LIN28A: variants seen among roughly 807,000 people sequenced by gnomAD.
The protein encoded by LIN28A is protein lin-28 homolog A.
In LIN28A, 11 loss-of-function variants were observed where a neutral mutation model predicts 21.1. The ratio of observed to expected loss-of-function variants is 0.52; its 90% CI spans 0.33 to 0.86. The LOEUF (loss-of-function observed/expected upper bound fraction) is 0.86, where lower values mean the gene tolerates loss of function less well. Ranked by LOEUF, LIN28A falls within the 40% of genes least tolerant of loss-of-function variation. The pLI, the probability that LIN28A is intolerant of heterozygous loss-of-function variation, is 0.03. For missense variants in LIN28A, 219 were observed against 279.8 expected (o/e 0.78, Z 1.55); for synonymous variants, 111 against 108.7 (o/e 1.02, Z -0.13).
In LIN28A at chr1:26,411,396, C is replaced by T. The variant is rs1379438257; in HGVS notation, c.42C>T (p.Ala14=). 5 of 1,595,934 alleles carry T rather than the reference C, an allele frequency of 3.1e-6. No homozygotes were observed. The highest frequency in any genetic ancestry group is 4.3e-6 in the Non-Finnish European group (5 of 1,172,660). ...CCTCCCTCTCTCCAGGTGGCTGCGC[C>T]AAGGCGGCAGAAGAGGCGCCCGAGG... The part of the protein sequence containing the change: ...VSNQQFAGGC[A]KAAEEAPEEA... The change falls in exon 2 of 4, where the codon GCC becomes GCT. Residue 14 remains alanine, a synonymous_variant. Coordinates refer to ENST00000326279, the MANE Select transcript of LIN28A (RefSeq NM_024674.6). This position sits in a 1 kb window ranked among gnomAD's most constrained non-coding sequence, Gnocchi z 5.4.
In LIN28A at chr1:26,425,502, G is replaced by A. The variant is rs187064721; in HGVS notation, c.413+15G>A. 66 of 1,612,434 alleles carry A rather than the reference G, an allele frequency of 4.1e-5. No individual in the cohort carries two copies. The East Asian group carries it at 1.4e-3, about 33-fold the overall frequency. Reference sequence around the variant, plus strand: ...AAAGGAGACAGGTATGGATTGGAAGGCAGCTTATATAGGTTGCTAAGGGCA... The same window carrying A: ...AAAGGAGACAGGTATGGATTGGAAGACAGCTTATATAGGTTGCTAAGGGCA... On this transcript the variant is annotated intron_variant, in intron 3 of 3. Coordinates refer to ENST00000326279, the MANE Select transcript of LIN28A (RefSeq NM_024674.6).
intron 2 of LIN28A, among the ~76,000 whole-genome samples, chr1:26,419,708 A>G (rs4274112): frequency 0.36 from 54,030 of 151,946 alleles, 10,023 homozygotes; most frequent in Admixed American, 0.43. Flanking sequence ...TATTTACTCC[A>G]TTTTATAGAT....
chr1:26,418,006 T>G (rs371379737), intron 2 of LIN28A, among the ~76,000 whole-genome samples: 8 of 151,948 alleles, frequency 5.3e-5, no homozygotes, highest in East Asian at 1.9e-4. Flanking sequence ...TTGTGTTGTT[T>G]TTTTTTTTTC....
rs1220197190 is a variant in LIN28A at position 26,410,867 on chromosome 1, G to C, written c.-25G>C. On this transcript the variant is annotated 5_prime_UTR_variant, in exon 1 of 4. Coordinates refer to ENST00000326279, the MANE Select transcript of LIN28A (RefSeq NM_024674.6). Reference sequence around the variant, plus strand: ...CCAGCAGCCGCCCGACCAGGGGCCCGGGGCCACGGGCTCAGCCGACGACCA... The same window carrying C: ...CCAGCAGCCGCCCGACCAGGGGCCCCGGGCCACGGGCTCAGCCGACGACCA... 6.2e-7 allele frequency: 1 copy of C among 1,611,892 alleles called. No homozygotes were observed. Among genetic ancestry groups the C allele is most frequent in the Non-Finnish European group, 8.5e-7 (1 of 1,179,132 alleles).
chr1:26,413,603 G>T (rs1053823007), intron 2 of LIN28A, among the ~76,000 whole-genome samples: 4 of 152,084 alleles, frequency 2.6e-5, no homozygotes, highest in African/African-American at 9.7e-5. Flanking sequence ...AGCTGGAAGA[G>T]AATTAAGAAT....
intron 2 of LIN28A, among the ~76,000 whole-genome samples, chr1:26,412,779 T>C (rs776942127): frequency 2.0e-5 from 3 of 151,696 alleles, no homozygotes; most frequent in Admixed American, 1.3e-4. Flanking sequence ...GATGGACTAG[T>C]TGGAGGCAGC....
rs755305206 is a variant in LIN28A, at chr1:26,413,825, C to CTTTT, written c.228+2259_228+2262dup. On this transcript the variant is annotated intron_variant, in intron 2 of 3. Transcript: ENST00000326279. ...TGTTTGTTTGTTTGTTTGTTTGTTG[C>CTTTT]TTTTTTTTTTTTTTTTTTTGAGATG... Among the ~76,000 whole-genome samples the CTTTT allele has an allele frequency of 4.2e-4, 42 of 100,358 alleles. 1 individual carries two copies. The highest frequency in any genetic ancestry group is 1.2e-3 in the African/African-American group (28 of 24,316). The allele number at this position is 100,358 out of a possible 152,430, so 65.8% of individuals were successfully genotyped here.
rs574145136 is a variant in LIN28A at position 26,427,139 on chromosome 1, T to C, written c.*681T>C. On this transcript the variant is annotated 3_prime_UTR_variant, in exon 4 of 4. Transcript: ENST00000326279. ...GCCAACTGCACTAGCTGTGTGCGAA[T>C]GACGTATCTTGTGCATTTTAACTTT... 6.5e-6 allele frequency: 1 copy of C among 152,930 alleles called. No homozygotes were observed. Among genetic ancestry groups the C allele is most frequent in the South Asian group, 2.1e-4 (1 of 4,832 alleles). 9.5% of individuals were successfully genotyped at this position (152,930 alleles called of 1,614,324 possible).
At chr1:26,417,569 T>A (rs967427384) in intron 2 of LIN28A, among the ~76,000 whole-genome samples, 1 of 152,218 alleles carries the variant, frequency 6.6e-6, no homozygotes, top group Non-Finnish European at 1.5e-5. Flanking sequence ...TTAGGCCAGC[T>A]GCACTCAGCT....
At chr1:26,417,248 C>T (rs954580603) in intron 2 of LIN28A, among the ~76,000 whole-genome samples, 4 of 152,226 alleles carry the variant, frequency 2.6e-5, no homozygotes, top group African/African-American at 9.6e-5. Context: ...GCTACAGGGC[C>T]TGGCTGTGGC....
chr1:26,428,226 A>C lies in LIN28A; in HGVS notation c.*1768A>C, dbSNP rs1333557559. 2 of 152,700 alleles carry C rather than the reference A, an allele frequency of 1.3e-5. No individual in the cohort carries two copies. Among genetic ancestry groups the C allele is most frequent in the Non-Finnish European group, 2.9e-5 (2 of 68,056 alleles). 9.5% of individuals were successfully genotyped at this position (152,700 alleles called of 1,614,324 possible). Reference sequence around the variant, plus strand: ...AAGCATCTTTGACAGAAGGTTCTGCACCAGGCAAAAAGATCTGAAACATTA... The same window carrying C: ...AAGCATCTTTGACAGAAGGTTCTGCCCCAGGCAAAAAGATCTGAAACATTA... On this transcript the variant is annotated 3_prime_UTR_variant, in exon 4 of 4. Coordinates refer to ENST00000326279, the MANE Select transcript of LIN28A (RefSeq NM_024674.6).
chr1:26,422,375 T>C (rs1297340129), intron 2 of LIN28A, among the ~76,000 whole-genome samples: 1 of 152,084 alleles, frequency 6.6e-6, no homozygotes, highest in Non-Finnish European at 1.5e-5. Context: ...CACTGGTACA[T>C]TTATCTATAT....
chr1:26,417,420 ATG>A lies in LIN28A; in HGVS notation c.228+5839_228+5840del, dbSNP rs2075000400. On this transcript the variant is annotated intron_variant, in intron 2 of 3. Transcript: ENST00000326279. Reference sequence around the variant, plus strand: ...CCCTTACCAAATCTTACCTCCAGGAATGAAGCTAAGTTAGGGATGTGACACCA... The same window carrying A: ...CCCTTACCAAATCTTACCTCCAGGAAAAGCTAAGTTAGGGATGTGACACCA... Among the ~76,000 whole-genome samples, 13 of 152,322 alleles carry A rather than the reference ATG, an allele frequency of 8.5e-5. No homozygotes were observed. The South Asian group carries it at 2.5e-3, about 29-fold the overall frequency.
At chr1:26,422,794 A>G (rs921972781) in intron 2 of LIN28A, among the ~76,000 whole-genome samples, 8 of 152,160 alleles carry the variant, frequency 5.3e-5, no homozygotes, top group African/African-American at 1.2e-4. Flanking sequence ...TTGGCAATTT[A>G]TATTTTCCCA....
rs554194362 is a variant in LIN28A, at chr1:26,410,841, G to A, written c.-51G>A. 24 of 1,602,638 alleles carry A rather than the reference G, an allele frequency of 1.5e-5. No individual in the cohort carries two copies. In the South Asian group the frequency reaches 1.9e-4, roughly 13 times the overall value. ...CCCTTTGCCTTCGGACTTCTCCGGG[G>A]CCAGCAGCCGCCCGACCAGGGGCCC... On this transcript the variant is annotated 5_prime_UTR_variant, in exon 1 of 4. Transcript: ENST00000326279.
chr1:26,426,573 G>A lies in LIN28A; in HGVS notation c.*115G>A. On this transcript the variant is annotated 3_prime_UTR_variant, in exon 4 of 4. Coordinates refer to ENST00000326279, the MANE Select transcript of LIN28A (RefSeq NM_024674.6). Reference sequence around the variant, plus strand: ...TAGTTGGCACTGCCATGTATCTCAGGCTTGGGTTCACACCATCACCCTTTC... The same window carrying A: ...TAGTTGGCACTGCCATGTATCTCAGACTTGGGTTCACACCATCACCCTTTC... 1.3e-6 allele frequency: 1 copy of A among 785,358 alleles called. No individual in the cohort carries two copies. Among genetic ancestry groups the A allele is most frequent in the Non-Finnish European group, 2.1e-6 (1 of 466,578 alleles). The allele number at this position is 785,358 out of a possible 1,614,324, so 48.6% of individuals were successfully genotyped here.
At chr1:26,412,636 G>A (rs889526348) in intron 2 of LIN28A, among the ~76,000 whole-genome samples, 1 of 152,086 alleles carries the variant, frequency 6.6e-6, no homozygotes, top group African/African-American at 2.4e-5. Flanking sequence ...CACCCAGGCC[G>A]GGCAGGGAGG....
intron 2 of LIN28A, among the ~76,000 whole-genome samples, chr1:26,413,721 AAGGCTTGGGTC>A (rs577575896): frequency 7.7e-4 from 117 of 152,232 alleles, no homozygotes; most frequent in African/African-American, 2.7e-3. Flanking sequence ...GCATGCCAGA[AAGGCTTGGGTC>A]AGGGGTCCTC....
rs558060339 is a variant in LIN28A at position 26,426,402 on chromosome 1, C to T, written c.574C>T (p.Arg192Ter). Residue 192 changes from arginine (R) to a stop codon, truncating the protein, a stop_gained, in exon 4 of 4, where the codon CGA (arginine) becomes TGA (stop). Transcript: ENST00000326279. LOFTEE classifies it high-confidence loss of function. The stretch of plus-strand genomic sequence containing the variant: ...TGCACAGGGAAAGCCAACCTACTTT[C>T]GAGAGGAAGAAGAAGAAATCCACAG... Reference protein sequence around the residue: ...PSAQGKPTYFREEEEEIHSPT... With the variant: ...PSAQGKPTYF 5.6e-6 allele frequency: 9 copies of T among 1,614,166 alleles called. No homozygotes were observed. The highest frequency in any genetic ancestry group is 3.3e-5 in the Admixed American group (2 of 60,018).
Sources: allele counts gnomAD v4.1 joint callset (sites outside exome capture counted in the v4.1 genomes callset), GRCh38; gene constraint gnomAD v4.1.1; non-coding constraint Gnocchi (gnomAD v3.1); transcripts MANE v1.5; gene names NCBI Gene and HGNC (gene_info 2026-07-23, HGNC 2026-07-21).